POU6F2: variants seen among roughly 807,000 people sequenced by gnomAD.
The protein encoded by POU6F2 is POU domain, class 6, transcription factor 2.
POU6F2 carries 31 observed loss-of-function variants against 71.3 expected under a neutral mutation model. That is an observed-to-expected ratio of 0.43 (90% confidence interval 0.33 to 0.59). POU6F2 has a LOEUF of 0.59. Among genes scored for constraint, POU6F2 ranks in the 20% least tolerant of loss-of-function variants. POU6F2 has a pLI of 0.04. For synonymous variants in POU6F2, 347 were observed against 355.7 expected, an observed-to-expected ratio of 0.98 and a Z score of 0.27; for missense variants, 783 against 856.8, an observed-to-expected ratio of 0.91 and a Z score of 1.07.
At chr7:39,409,225 GACATCA>G (rs1393419678) in intron 6 of POU6F2, among the ~76,000 whole-genome samples, 9 of 152,272 alleles carry the variant, frequency 5.9e-5, no homozygotes, top group African/African-American at 1.9e-4. Context: ...TTGAGTTCTT[GACATCA>G]ACTATTGTTT....
chr7:39,012,708 G>A (rs1221271486), intron 1 of POU6F2, among the ~76,000 whole-genome samples: 1 of 151,912 alleles, frequency 6.6e-6, no homozygotes, highest in Non-Finnish European at 1.5e-5. Flanking sequence ...TTTTTGGTGT[G>A]GATGTCCTTT....
chr7:39,462,241 T>C (rs10233706), intron 9 of POU6F2, among the ~76,000 whole-genome samples: 142,332 of 152,284 alleles, frequency 0.93, 66,613 homozygotes, highest in East Asian at 1. Context: ...TTTGGGAATT[T>C]CTAGTATAAT....
intron 4 of POU6F2, among the ~76,000 whole-genome samples, chr7:39,245,474 A>G (rs889925542): frequency 2.6e-5 from 4 of 152,196 alleles, no homozygotes; most frequent in Non-Finnish European, 4.4e-5. Context: ...TCTTGATAGC[A>G]ATATCTACCA....
chr7:39,389,430 A>G (rs1013542111), intron 5 of POU6F2, among the ~76,000 whole-genome samples: 1 of 152,240 alleles, frequency 6.6e-6, no homozygotes, highest in East Asian at 1.9e-4. Flanking sequence ...AACTGGATAT[A>G]AACTTCTTCA....
At chr7:38,980,298 T>C (rs1443109030) in intron 1 of POU6F2, among the ~76,000 whole-genome samples, 1 of 152,192 alleles carries the variant, frequency 6.6e-6, no homozygotes, top group African/African-American at 2.4e-5. Context: ...CAAACTAGAA[T>C]GCTGATTTTT....
intron 5 of POU6F2, among the ~76,000 whole-genome samples, chr7:39,384,329 G>A (rs1786890865): frequency 6.6e-6 from 1 of 152,198 alleles, no homozygotes. Context: ...AGCGGTGACA[G>A]ATGACCGTTA....
At chr7:39,058,726 C>T (rs1527951) in intron 1 of POU6F2, among the ~76,000 whole-genome samples, 124,241 of 152,198 alleles carry the variant, frequency 0.82, 51,048 homozygotes, top group East Asian at 1. Context: ...TGACTAGATA[C>T]GTAAATGGGT....
At chr7:39,407,203 G>C (rs1348432862) in intron 6 of POU6F2, among the ~76,000 whole-genome samples, 1 of 151,882 alleles carries the variant, frequency 6.6e-6, no homozygotes, top group Non-Finnish European at 1.5e-5. Flanking sequence ...TTGAATGTAT[G>C]GGAAGGTGAT....
intron 2 of POU6F2, among the ~76,000 whole-genome samples, chr7:39,096,966 G>A (rs1525800): frequency 0.43 from 65,349 of 151,790 alleles, 14,468 homozygotes; most frequent in East Asian, 0.69. Context: ...TATATATGTG[G>A]AATTATTTTT....
chr7:39,309,698 C>T (rs1206909307), intron 4 of POU6F2, among the ~76,000 whole-genome samples: 1 of 152,156 alleles, frequency 6.6e-6, no homozygotes, highest in Non-Finnish European at 1.5e-5. Flanking sequence ...ACAAGGTTAC[C>T]TTTCCTGTAC....
chr7:39,102,973 G>T (rs1391638634), intron 2 of POU6F2, among the ~76,000 whole-genome samples: 4 of 152,192 alleles, frequency 2.6e-5, no homozygotes, highest in African/African-American at 4.8e-5. Context: ...CATGATATGT[G>T]CAGTCTGTTG....
intron 2 of POU6F2, among the ~76,000 whole-genome samples, chr7:39,138,125 C>A (rs1416063158): frequency 1.3e-5 from 2 of 152,096 alleles, no homozygotes; most frequent in East Asian, 3.8e-4. Flanking sequence ...AGACATTAGA[C>A]CTTAGAAAAA....
intron 2 of POU6F2, among the ~76,000 whole-genome samples, chr7:39,172,152 T>G (rs1261803691): frequency 9.2e-5 from 14 of 152,218 alleles, no homozygotes; most frequent in Admixed American, 5.9e-4. Flanking sequence ...ATGTACTGTC[T>G]TCCAGTTTTT....
chr7:39,258,801 T>C (rs1784075779), intron 4 of POU6F2, among the ~76,000 whole-genome samples: 1 of 152,044 alleles, frequency 6.6e-6, no homozygotes, highest in South Asian at 2.1e-4. Context: ...CAGTGGCAGC[T>C]ACAAACCACC....
At chr7:39,422,175 ATAAAAATGTGTCTTTGTTTTCTAG>A (rs1273570943) in intron 6 of POU6F2, among the ~76,000 whole-genome samples, 1 of 152,246 alleles carries the variant, frequency 6.6e-6, no homozygotes, top group African/African-American at 2.4e-5. Flanking sequence ...CAGTTTATCC[ATAAAAATGTGTCTTTGTTTTCTAG>A]TACCTGGAAC....
At chr7:39,435,986 C>A (rs1319769088) in intron 7 of POU6F2, among the ~76,000 whole-genome samples, 4 of 152,236 alleles carry the variant, frequency 2.6e-5, no homozygotes, top group Middle Eastern at 3.4e-3. Context: ...GTCTATATAT[C>A]TGTTTTGGTG....
intron 2 of POU6F2, among the ~76,000 whole-genome samples, chr7:39,187,132 G>T (rs902558026): frequency 6.6e-6 from 1 of 152,232 alleles, no homozygotes; most frequent in African/African-American, 2.4e-5. Context: ...CTATGAAGGA[G>T]GTAGCATTTT....
intron 4 of POU6F2, among the ~76,000 whole-genome samples, chr7:39,277,607 C>A (rs1784472025): frequency 1.3e-5 from 2 of 152,092 alleles, no homozygotes; most frequent in South Asian, 2.1e-4. Context: ...GATGTCAGAT[C>A]CTTTGTCATC....
At position 39,113,071 on chromosome 7, in the gene POU6F2, A is replaced by T. The variant is rs1473918723; in HGVS notation, c.277+27040A>T. ...TAAATTCCAAAGAAACACAGTATAT[A>T]AAAAGAAACATGAGAAAAACTTTTG... On this transcript the variant is annotated intron_variant, in intron 2 of 9. Transcript: ENST00000518318. Among the ~76,000 whole-genome samples the T allele has an allele frequency of 2.0e-5, 3 of 152,176 alleles. No homozygotes were observed. In the East Asian group the frequency reaches 5.8e-4, roughly 29 times the overall value.
Sources: gnomAD v4.1 joint callset for allele counts (sites outside exome capture counted in the v4.1 genomes callset) on GRCh38, gnomAD v4.1.1 for gene constraint, MANE v1.5 for transcripts, NCBI Gene and HGNC (gene_info 2026-07-23, HGNC 2026-07-21) for gene names.